CTNNA3: variants seen among roughly 807,000 people sequenced by gnomAD.
CTNNA3 encodes catenin alpha 3, also known as catenin alpha-3.
Under a neutral mutation model 95.7 loss-of-function variants are expected in CTNNA3, and 76 were observed. That is an observed-to-expected ratio of 0.79 (90% CI 0.66 to 0.96). CTNNA3 has a LOEUF of 0.96. CTNNA3 is among the 40% of genes least tolerant of loss of function. CTNNA3 has a pLI of 0.00. For missense variants in CTNNA3, 1,191 were observed against 1,089.8 expected (o/e 1.09, Z -1.31); for synonymous variants, 431 against 374.4 (o/e 1.15, Z -1.74).
chr10:66,243,674 G>A (rs1020073645), intron 13 of CTNNA3, among the ~76,000 whole-genome samples: 4 of 152,114 alleles, frequency 2.6e-5, no homozygotes, highest in African/African-American at 9.7e-5. Flanking sequence ...CCAAGTTATA[G>A]TCTGACCACC....
chr10:67,733,419 A>G (rs1044288322), intron 1 of CTNNA3, among the ~76,000 whole-genome samples: 11 of 152,128 alleles, frequency 7.2e-5, no homozygotes, highest in Non-Finnish European at 1.6e-4. Context: ...AACCTACTCT[A>G]CATCCGTAGA....
intron 9 of CTNNA3, among the ~76,000 whole-genome samples, chr10:66,757,570 C>G (rs1261115878): frequency 6.6e-6 from 1 of 152,136 alleles, no homozygotes; most frequent in African/African-American, 2.4e-5. Context: ...GCAGATTTTA[C>G]AGGCAGAAGT....
chr10:66,484,317 A>G (rs2131912247), intron 11 of CTNNA3, among the ~76,000 whole-genome samples: 1 of 152,154 alleles, frequency 6.6e-6, no homozygotes, highest in Admixed American at 6.5e-5. Flanking sequence ...AAACTGTTCC[A>G]AATTTTCTTT....
At chr10:67,379,903 C>T (rs192358351) in intron 5 of CTNNA3, among the ~76,000 whole-genome samples, 1,910 of 150,396 alleles carry the variant, frequency 0.013, 33 homozygotes, top group African/African-American at 0.04. Flanking sequence ...CGCCTGTAGT[C>T]CCAGCTACTT....
intron 5 of CTNNA3, among the ~76,000 whole-genome samples, chr10:67,402,926 G>T (rs150480792): frequency 1.3e-5 from 2 of 152,332 alleles, no homozygotes; most frequent in African/African-American, 4.8e-5. Flanking sequence ...AATCCAGGGA[G>T]CTGAACAGCG....
chr10:66,113,722 T>G (rs7897398), intron 13 of CTNNA3, among the ~76,000 whole-genome samples: 2 of 151,994 alleles, frequency 1.3e-5, no homozygotes, highest in Non-Finnish European at 2.9e-5. Context: ...GAAAACTTTG[T>G]ATTGTCAGCA....
At chr10:66,692,683 A>C (rs1444626955) in intron 9 of CTNNA3, among the ~76,000 whole-genome samples, 2 of 152,296 alleles carry the variant, frequency 1.3e-5, no homozygotes, top group African/African-American at 4.8e-5. Context: ...AGTTGAAATG[A>C]AGGAAAAAAT....
At chr10:66,421,896 T>TTATATATATATATATATATATATATATA (rs2093197191) in intron 11 of CTNNA3, among the ~76,000 whole-genome samples, 1 of 60,352 alleles carries the variant, frequency 1.7e-5, no homozygotes, top group Non-Finnish European at 3.0e-5. Context: ...ATAATAAATG[T>TTATATATATATATATATATATATATATA]GATATATATA....
chr10:67,514,711 GT>G (rs1317831393), intron 5 of CTNNA3, among the ~76,000 whole-genome samples: 1 of 134,414 alleles, frequency 7.4e-6, no homozygotes, highest in Non-Finnish European at 1.5e-5. Flanking sequence ...TTTTTGTTTT[GT>G]TTTTGTTGTT....
chr10:66,372,112 G>A (rs1045698079), intron 12 of CTNNA3, among the ~76,000 whole-genome samples: 3 of 152,122 alleles, frequency 2.0e-5, no homozygotes, highest in East Asian at 1.9e-4. Flanking sequence ...CAGTCTGCCA[G>A]TTTTTTCTTC....
At chr10:67,562,960 C>T (rs1841583830) in intron 3 of CTNNA3, among the ~76,000 whole-genome samples, 2 of 152,008 alleles carry the variant, frequency 1.3e-5, no homozygotes, top group African/African-American at 2.4e-5. Flanking sequence ...TCAAGGAGAA[C>T]TACAAACTAC....
intron 7 of CTNNA3, chr10:66,928,442 G>C: frequency 6.2e-7 from 1 of 1,606,514 alleles, no homozygotes; most frequent in Non-Finnish European, 8.5e-7. Flanking sequence ...TCGGGCTCCA[G>C]GGAGTGTGAG....
chr10:65,920,169 C>A lies in CTNNA3; in HGVS notation c.*161G>T. 1 of 629,530 alleles carries A rather than the reference C, an allele frequency of 1.6e-6. No individual in the cohort carries two copies. Among genetic ancestry groups the A allele is most frequent in the Non-Finnish European group, 2.8e-6 (1 of 361,268 alleles). 39.0% of individuals were successfully genotyped at this position (629,530 alleles called of 1,614,324 possible). On this transcript the variant is annotated 3_prime_UTR_variant, in exon 18 of 18. Coordinates refer to ENST00000433211, the MANE Select transcript of CTNNA3 (RefSeq NM_013266.4). ...TACAGAAATGACAGTGATATGATCC[C>A]AAATATATATTGCTTTTGTTGATTT...
Position 66,596,262 on chromosome 10 carries a change from G to C in CTNNA3, c.1374+25430C>G, listed in dbSNP as rs538871540. Among the ~76,000 whole-genome samples the C allele has an allele frequency of 1.2e-4, 18 of 152,180 alleles. 1 individual carries two copies. Among genetic ancestry groups the C allele is most frequent in the African/African-American group, 3.6e-4 (15 of 41,524 alleles). On this transcript the variant is annotated intron_variant, in intron 10 of 17. Coordinates refer to ENST00000433211, the MANE Select transcript of CTNNA3 (RefSeq NM_013266.4). ...GGTCTCCACTAGGATCTCTACCCATGACCCCTGTGGACTCCCCCAGCTAAC... is the reference window on the plus strand; with the variant it reads ...GGTCTCCACTAGGATCTCTACCCATCACCCCTGTGGACTCCCCCAGCTAAC...
At chr10:67,642,409 G>T (rs565994684) in intron 2 of CTNNA3, among the ~76,000 whole-genome samples, 1 of 152,082 alleles carries the variant, frequency 6.6e-6, no homozygotes, top group African/African-American at 2.4e-5. Context: ...CATACATGCG[G>T]CCAATAAACA....
intron 9 of CTNNA3, among the ~76,000 whole-genome samples, chr10:66,657,201 T>C (rs2394272): frequency 0.66 from 100,238 of 151,990 alleles, 33,954 homozygotes; most frequent in East Asian, 0.95. Context: ...GACATTGTAA[T>C]CTTGATTTGG....
At position 67,504,694 on chromosome 10, in the gene CTNNA3, G is replaced by A. The variant is rs117620620; in HGVS notation, c.579+17148C>T. On this transcript the variant is annotated intron_variant, in intron 5 of 17. Coordinates refer to ENST00000433211, the MANE Select transcript of CTNNA3 (RefSeq NM_013266.4). ...AGATTCCTTCCCTGGATAAACATCC[G>A]ATCATTTTTTTATGGATCCAATTCT... 1.0e-3 allele frequency among the ~76,000 whole-genome samples: 157 copies of A among 152,076 alleles called. 2 individuals are homozygous for A. The East Asian group carries it at 0.015, about 15-fold the overall frequency.
intron 5 of CTNNA3, among the ~76,000 whole-genome samples, chr10:67,266,785 A>G (rs1048044850): frequency 2.6e-5 from 4 of 152,182 alleles, no homozygotes; most frequent in African/African-American, 7.2e-5. Context: ...TGCATAGTTC[A>G]AAATAACTAA....
intron 10 of CTNNA3, among the ~76,000 whole-genome samples, chr10:66,599,714 A>G (rs892351245): frequency 6.6e-6 from 1 of 151,906 alleles, no homozygotes; most frequent in African/African-American, 2.4e-5. Context: ...CCTTCAAAAG[A>G]AACTGCACCA....
Sources: gnomAD v4.1 joint callset for allele counts (sites outside exome capture counted in the v4.1 genomes callset) on GRCh38, gnomAD v4.1.1 for gene constraint, MANE v1.5 for transcripts, NCBI Gene and HGNC (gene_info 2026-07-23, HGNC 2026-07-21) for gene names.